Variants in PLEKHF2 observed in about 807,000 individuals in gnomAD.
The protein encoded by PLEKHF2 is pleckstrin homology and FYVE domain containing 2.
PLEKHF2 carries 4 observed loss-of-function variants against 14.7 expected under a neutral mutation model. The observed-to-expected ratio is 0.27, with a 90% CI of 0.13 to 0.62. The LOEUF (loss-of-function observed/expected upper bound fraction) is 0.62. Ranked by LOEUF, PLEKHF2 falls within the 20% of genes least tolerant of loss-of-function variation. The pLI, the probability that PLEKHF2 is intolerant of heterozygous loss-of-function variation, is 0.85. For missense variants in PLEKHF2, 201 were observed against 307.7 expected (o/e 0.65, Z 2.60); for synonymous variants, 90 against 103.5 (o/e 0.87, Z 0.79).
rs545368198 is a variant in PLEKHF2, at chr8:95,142,864, G to A, written c.-15+8834G>A. 1.6e-4 allele frequency among the ~76,000 whole-genome samples: 25 copies of A among 152,222 alleles called. No homozygotes were observed. The South Asian group carries it at 2.5e-3, about 15-fold the overall frequency. On this transcript the variant is annotated intron_variant, in intron 1 of 1. Coordinates refer to ENST00000315367, the MANE Select transcript of PLEKHF2 (RefSeq NM_024613.4). ...ACATTTGCTTGTAAATTTAAAATCTGTGGGTCCAGTGAAGCAGTTGATGGG... is the reference window on the plus strand; with the variant it reads ...ACATTTGCTTGTAAATTTAAAATCTATGGGTCCAGTGAAGCAGTTGATGGG...
At chr8:95,139,965 T>A (rs892008886) in intron 1 of PLEKHF2, among the ~76,000 whole-genome samples, 8 of 152,214 alleles carry the variant, frequency 5.3e-5, no homozygotes, top group Non-Finnish European at 1.0e-4. Flanking sequence ...TTCCTCCTGC[T>A]TTCTAAACTA....
chr8:95,140,475 G>A (rs969474229), intron 1 of PLEKHF2, among the ~76,000 whole-genome samples: 1 of 152,148 alleles, frequency 6.6e-6, no homozygotes, highest in African/African-American at 2.4e-5. Context: ...CCCATGGCCT[G>A]TGTAATAAAG....
intron 1 of PLEKHF2, among the ~76,000 whole-genome samples, 175 bp from the exon 2 acceptor site, chr8:95,153,856 A>C (rs1460817941): frequency 6.6e-6 from 1 of 152,162 alleles, no homozygotes; most frequent in Non-Finnish European, 1.5e-5. Context: ...CATCATTTTA[A>C]AAATTGAGAA....
At chr8:95,151,946 C>A (rs948635582) in intron 1 of PLEKHF2, among the ~76,000 whole-genome samples, 2 of 151,928 alleles carry the variant, frequency 1.3e-5, no homozygotes, top group Non-Finnish European at 2.9e-5. Context: ...AATATGTATT[C>A]CATTGAGTCT....
intron 1 of PLEKHF2, among the ~76,000 whole-genome samples, chr8:95,145,797 T>C (rs542073185): frequency 6.6e-6 from 1 of 152,358 alleles, no homozygotes; most frequent in Admixed American, 6.5e-5. Context: ...ATTATTATTC[T>C]GGTTACTAGA....
intron 1 of PLEKHF2, among the ~76,000 whole-genome samples, chr8:95,138,263 G>T (rs1194864487): frequency 2.0e-5 from 3 of 150,570 alleles, no homozygotes; most frequent in African/African-American, 7.4e-5. Flanking sequence ...CTCGAAACAT[G>T]TTGAGCAGAT....
chr8:95,148,748 T>C, intron 1 of PLEKHF2, among the ~76,000 whole-genome samples: 1 of 152,102 alleles, frequency 6.6e-6, no homozygotes, highest in East Asian at 1.9e-4. Context: ...TCTGGAACAA[T>C]TAATTAGCTC....
chr8:95,149,433 T>C (rs1204859294), intron 1 of PLEKHF2, among the ~76,000 whole-genome samples: 1 of 152,210 alleles, frequency 6.6e-6, no homozygotes, highest in African/African-American at 2.4e-5. Context: ...AAAAGCGTAA[T>C]ACCCAGCATC....
At chr8:95,143,477 C>G (rs1810459112) in intron 1 of PLEKHF2, among the ~76,000 whole-genome samples, 2 of 152,146 alleles carry the variant, frequency 1.3e-5, no homozygotes, top group African/African-American at 2.4e-5. Flanking sequence ...AACAAATAGA[C>G]TATAAGTGCT....
rs1213381607 is a variant in PLEKHF2, at chr8:95,156,667, A to C, written c.*1873A>C. 1.8e-5 allele frequency: 3 copies of C among 166,968 alleles called. No homozygotes were observed. Among genetic ancestry groups the C allele is most frequent in the Non-Finnish European group, 4.4e-5 (3 of 68,122 alleles). The allele number at this position is 166,968 out of a possible 1,614,324, so 10.3% of individuals were successfully genotyped here. A position where few individuals can be genotyped will look rare whatever the true frequency, so the allele number is the denominator to read the frequency against. ...CTTTATTGACTTTGTTTTTACAATAAAAAATATTTTACAACTTACTTTCTG... is the reference window on the plus strand; with the variant it reads ...CTTTATTGACTTTGTTTTTACAATACAAAATATTTTACAACTTACTTTCTG... On this transcript the variant is annotated 3_prime_UTR_variant, in exon 2 of 2. Coordinates refer to ENST00000315367, the MANE Select transcript of PLEKHF2 (RefSeq NM_024613.4).
chr8:95,153,925 T>G, intron 1 of PLEKHF2, 106 bp from the exon 2 acceptor site: 1 of 838,700 alleles, frequency 1.2e-6, no homozygotes, highest in African/African-American at 1.7e-5. Context: ...TTTAGAACAT[T>G]TTGCCTTTGT....
intron 1 of PLEKHF2, among the ~76,000 whole-genome samples, chr8:95,151,666 GTTTAA>G (rs892623590): frequency 2.6e-5 from 4 of 151,694 alleles, no homozygotes; most frequent in Middle Eastern, 3.2e-3. Context: ...TGCCTGTATT[GTTTAA>G]TTTATTATTT....
chr8:95,135,542 A>G (rs934697932), intron 1 of PLEKHF2, among the ~76,000 whole-genome samples: 4 of 152,148 alleles, frequency 2.6e-5, no homozygotes, highest in African/African-American at 4.8e-5. Context: ...TTAGGACTAC[A>G]GGAGCGCATC....
At chr8:95,143,473 T>TA (rs1303216179) in intron 1 of PLEKHF2, among the ~76,000 whole-genome samples, 1 of 152,264 alleles carries the variant, frequency 6.6e-6, no homozygotes, top group East Asian at 1.9e-4. Flanking sequence ...ATGAAACAAA[T>TA]AGACTATAAG....
At chr8:95,146,489 C>A (rs1256690315) in intron 1 of PLEKHF2, among the ~76,000 whole-genome samples, 1 of 149,636 alleles carries the variant, frequency 6.7e-6, no homozygotes, top group Non-Finnish European at 1.5e-5. Flanking sequence ...TCTCTCTTCT[C>A]AATTGTAAGT....
At chr8:95,149,531 G>A (rs761302622) in intron 1 of PLEKHF2, among the ~76,000 whole-genome samples, 1 of 152,044 alleles carries the variant, frequency 6.6e-6, no homozygotes. Flanking sequence ...TTTAAAAATC[G>A]GTCATGCTTG....
At chr8:95,143,093 C>CTTTTTTTTT (rs35086823) in intron 1 of PLEKHF2, among the ~76,000 whole-genome samples, 4 of 141,070 alleles carry the variant, frequency 2.8e-5, no homozygotes, top group Non-Finnish European at 4.6e-5. Context: ...AGGAAATAAT[C>CTTTTTTTTT]TTTTTTTTTT....
chr8:95,139,478 G>A (rs1397655317), intron 1 of PLEKHF2, among the ~76,000 whole-genome samples: 3 of 152,184 alleles, frequency 2.0e-5, no homozygotes, highest in Non-Finnish European at 4.4e-5. Flanking sequence ...CTGCACTCCA[G>A]CCTGGGTGAC....
At chr8:95,141,317 T>C (rs1169795561) in intron 1 of PLEKHF2, among the ~76,000 whole-genome samples, 4 of 152,212 alleles carry the variant, frequency 2.6e-5, no homozygotes, top group African/African-American at 9.7e-5. Context: ...TGCAGTTACT[T>C]TTCAACTGGA....
Sources: allele counts gnomAD v4.1 joint callset (sites outside exome capture counted in the v4.1 genomes callset), GRCh38; gene constraint gnomAD v4.1.1; transcripts MANE v1.5; gene names NCBI Gene and HGNC (gene_info 2026-07-23, HGNC 2026-07-21).